PDE7B: variants seen among roughly 807,000 people sequenced by gnomAD.
The protein encoded by PDE7B is 3',5'-cyclic-AMP phosphodiesterase 7B.
A neutral mutation model predicts 56.2 loss-of-function variants in PDE7B; 29 were observed. The ratio of observed to expected loss-of-function variants is 0.52; its 90% CI spans 0.38 to 0.70. The LOEUF (loss-of-function observed/expected upper bound fraction) is 0.70. PDE7B is among the 30% of genes least tolerant of loss of function. The pLI is 0.00. For synonymous variants in PDE7B, 197 were observed against 196.9 expected (o/e 1.00, Z 0.00); for missense variants, 490 against 565.0 (o/e 0.87, Z 1.35).
intron 2 of PDE7B, among the ~76,000 whole-genome samples, chr6:136,080,086 A>T (rs1369598315): frequency 6.6e-6 from 1 of 152,110 alleles, no homozygotes; most frequent in African/African-American, 2.4e-5. Context: ...GAAGAAAAAA[A>T]CCTCCATGTG....
chr6:136,108,621 A>T (rs1562495041), intron 2 of PDE7B, 110 bp from the exon 3 acceptor site: 1 of 762,544 alleles, frequency 1.3e-6, no homozygotes, highest in Non-Finnish European at 2.4e-6. Context: ...GGTGAATGGG[A>T]ACCATTTTTC....
In PDE7B at chr6:136,037,155, A is replaced by G. The variant is rs557296907; in HGVS notation, c.83-71576A>G. On this transcript the variant is annotated intron_variant, in intron 2 of 12. Coordinates refer to ENST00000308191, the MANE Select transcript of PDE7B (RefSeq NM_018945.4). Reference sequence around the variant, plus strand: ...TCCCTCCAGAAGGTGAATTGTTAACATTCTTTTCTTTCTTTCATTGCCATT... The same window carrying G: ...TCCCTCCAGAAGGTGAATTGTTAACGTTCTTTTCTTTCTTTCATTGCCATT... Among the ~76,000 whole-genome samples the G allele has an allele frequency of 1.1e-4, 17 of 152,286 alleles. 1 individual carries two copies. The highest frequency in any genetic ancestry group is 4.1e-4 in the African/African-American group (17 of 41,566).
rs778168101 is a variant in PDE7B, at chr6:136,195,394, T to C, written c.*3554T>C. On this transcript the variant is annotated 3_prime_UTR_variant, in exon 13 of 13. Coordinates refer to ENST00000308191, the MANE Select transcript of PDE7B (RefSeq NM_018945.4). ...AGCTTGTATCTCACTGTATTTCTCA[T>C]GCTTTGTTCTTTTAAACAAATCCTT... The C allele has an allele frequency of 4.6e-5, 7 of 150,690 alleles. No individual in the cohort carries two copies. Among genetic ancestry groups the C allele is most frequent in the Non-Finnish European group, 8.8e-5 (6 of 67,888 alleles). 9.3% of individuals were successfully genotyped at this position (150,690 alleles called of 1,614,324 possible). A position where few individuals can be genotyped will look rare whatever the true frequency, so the allele number is the denominator to read the frequency against.
intron 2 of PDE7B, among the ~76,000 whole-genome samples, chr6:136,092,775 C>T (rs889170292): frequency 9.2e-5 from 14 of 151,990 alleles, no homozygotes; most frequent in Non-Finnish European, 1.9e-4. Flanking sequence ...CAAAACAAAA[C>T]AAAACAAAAC....
chr6:136,052,039 A>C lies in PDE7B; in HGVS notation c.83-56692A>C, dbSNP rs562722476. On this transcript the variant is annotated intron_variant, in intron 2 of 12. Transcript: ENST00000308191. Reference sequence around the variant, plus strand: ...TAAATAGATATTACATTACATGTACATTTAAAGTAAAAAAAAAAAAGGCTG... The same window carrying C: ...TAAATAGATATTACATTACATGTACCTTTAAAGTAAAAAAAAAAAAGGCTG... Among the ~76,000 whole-genome samples the C allele has an allele frequency of 1.7e-4, 26 of 151,878 alleles. 1 individual carries two copies. In the South Asian group the frequency reaches 5.0e-3, roughly 29 times the overall value.
At chr6:135,896,835 TC>T (rs976267643) in intron 1 of PDE7B, among the ~76,000 whole-genome samples, 67 of 152,202 alleles carry the variant, frequency 4.4e-4, no homozygotes, top group African/African-American at 1.5e-3. Context: ...TCCAGCTCCT[TC>T]CTTCCAGCTC....
At chr6:136,124,989 A>C (rs1460725577) in intron 3 of PDE7B, among the ~76,000 whole-genome samples, 1 of 152,216 alleles carries the variant, frequency 6.6e-6, no homozygotes, top group Non-Finnish European at 1.5e-5. Flanking sequence ...CAAATATTTA[A>C]AGTACAATAT....
intron 2 of PDE7B, among the ~76,000 whole-genome samples, chr6:136,072,364 T>G (rs1329366046): frequency 2.0e-5 from 3 of 152,122 alleles, no homozygotes; most frequent in Non-Finnish European, 4.4e-5. Context: ...TTAATTTTGT[T>G]TTTTAAGTAG....
intron 1 of PDE7B, among the ~76,000 whole-genome samples, chr6:135,905,576 A>C (rs117550578): frequency 2.0e-4 from 31 of 152,292 alleles, no homozygotes; most frequent in Admixed American, 3.3e-4. Context: ...GGATTATTGT[A>C]ATTTATAAAA....
At chr6:135,903,521 G>C (rs563896322) in intron 1 of PDE7B, among the ~76,000 whole-genome samples, 1 of 152,214 alleles carries the variant, frequency 6.6e-6, no homozygotes, top group East Asian at 1.9e-4. Context: ...AGTTGTTTAG[G>C]GGTAATGTCA....
chr6:135,871,126 T>C (rs1410207201), intron 1 of PDE7B, among the ~76,000 whole-genome samples: 2 of 152,204 alleles, frequency 1.3e-5, no homozygotes, highest in Non-Finnish European at 2.9e-5. Context: ...AATCTGCTGC[T>C]CTCTATTTAC....
intron 1 of PDE7B, among the ~76,000 whole-genome samples, chr6:135,913,080 A>G (rs1010331908): frequency 2.0e-5 from 3 of 152,222 alleles, no homozygotes; most frequent in African/African-American, 4.8e-5. Context: ...ACAAACATCT[A>G]TTGAATACTT....
intron 2 of PDE7B, chr6:136,038,506 A>G: frequency 7.8e-7 from 1 of 1,286,372 alleles, no homozygotes; most frequent in East Asian, 5.6e-5. Flanking sequence ...TGGACAATGA[A>G]GATGCTCTCC....
At chr6:135,986,970 C>CT (rs1775387207) in intron 2 of PDE7B, among the ~76,000 whole-genome samples, 1 of 152,182 alleles carries the variant, frequency 6.6e-6, no homozygotes, top group South Asian at 2.1e-4. Flanking sequence ...TGCAGATAGC[C>CT]TTGAAGCCTC....
chr6:136,021,012 G>A (rs1776061237), intron 2 of PDE7B, among the ~76,000 whole-genome samples: 1 of 152,002 alleles, frequency 6.6e-6, no homozygotes, highest in Admixed American at 6.5e-5. Flanking sequence ...TTTTTCCTTG[G>A]CACCTACTGT....
chr6:136,000,581 CT>C (rs774871378), intron 2 of PDE7B, among the ~76,000 whole-genome samples: 66 of 152,212 alleles, frequency 4.3e-4, no homozygotes, highest in Non-Finnish European at 7.6e-4. Context: ...TATTTCTGGG[CT>C]TTCTATTTTG....
chr6:135,926,412 T>G (rs1774191163), intron 1 of PDE7B, among the ~76,000 whole-genome samples: 2 of 152,064 alleles, frequency 1.3e-5, no homozygotes, highest in South Asian at 4.2e-4. Context: ...TATGAAAGGC[T>G]TGAGGAAGAG....
At chr6:135,975,137 G>A (rs981855238) in intron 2 of PDE7B, among the ~76,000 whole-genome samples, 2 of 148,030 alleles carry the variant, frequency 1.4e-5, no homozygotes, top group South Asian at 2.2e-4. Flanking sequence ...AACTCCAGTC[G>A]TTTTTTTTTT....
intron 2 of PDE7B, among the ~76,000 whole-genome samples, chr6:135,996,955 C>T (rs1165774302): frequency 6.6e-6 from 1 of 152,092 alleles, no homozygotes; most frequent in African/African-American, 2.4e-5. Context: ...CTACTGTGAT[C>T]AACTGTTAAA....
Sources: gnomAD v4.1 joint callset for allele counts (sites outside exome capture counted in the v4.1 genomes callset) on GRCh38, gnomAD v4.1.1 for gene constraint, MANE v1.5 for transcripts, NCBI Gene and HGNC (gene_info 2026-07-23, HGNC 2026-07-21) for gene names.